SIDT1: variants seen among roughly 807,000 people sequenced by gnomAD.
SIDT1 encodes SID1 transmembrane family member 1, also known as SID1 transmembrane family, member 1.
Under a neutral mutation model 107.5 loss-of-function variants are expected in SIDT1, and 101 were observed. The observed-to-expected ratio is 0.94, with a 90% CI of 0.80 to 1.11. SIDT1 has a LOEUF of 1.11. SIDT1 is among the 50% of genes least tolerant of loss of function. SIDT1 has a pLI of 0.00. For missense variants in SIDT1, 1,076 were observed against 1,058.2 expected, an observed-to-expected ratio of 1.02 and a Z score of -0.23; for synonymous variants, 395 against 398.2, an observed-to-expected ratio of 0.99 and a Z score of 0.10.
At chr3:113,631,509 T>G (rs1389682162), downstream of SIDT1, among the ~76,000 whole-genome samples, 1 of 152,176 alleles carries the variant, frequency 6.6e-6, no homozygotes, top group Non-Finnish European at 1.5e-5. Context: ...AGTAGTTTTG[T>G]TTTTTGTTTT....
intron 6 of SIDT1, among the ~76,000 whole-genome samples, chr3:113,583,093 A>G: frequency 6.6e-6 from 1 of 152,264 alleles, no homozygotes; most frequent in Non-Finnish European, 1.5e-5. Flanking sequence ...TGTAAGCATT[A>G]GTTATTAAAC....
intron 21 of SIDT1, 129 bp from the exon 22 acceptor site, chr3:113,623,298 A>G (rs956836893): frequency 3.8e-6 from 2 of 527,388 alleles, no homozygotes; most frequent in African/African-American, 2.0e-5. Context: ...AAATAAAATG[A>G]ACTAAAAATA....
In SIDT1 at chr3:113,585,238, A is replaced by C. The variant is rs1365866021; in HGVS notation, c.969A>C (p.Gly323=). The change falls in exon 9 of 25, where the codon GGA becomes GGC. Residue 323 remains glycine, a synonymous_variant. Coordinates refer to ENST00000264852, the MANE Select transcript of SIDT1 (RefSeq NM_017699.3). The part of the protein sequence containing the change: ...SVFIFLSFYL[G]CLLVGFVHYL... Reference sequence around the variant, plus strand: ...TCATCTTCCTGTCCTTCTACTTGGGATGCCTTCTTGTTGGGTTTGTTCATT... The same window carrying C: ...TCATCTTCCTGTCCTTCTACTTGGGCTGCCTTCTTGTTGGGTTTGTTCATT... 2 of 1,613,268 alleles carry C rather than the reference A, an allele frequency of 1.2e-6. No homozygotes were observed. Among genetic ancestry groups the C allele is most frequent in the South Asian group, 2.2e-5 (2 of 91,050 alleles).
intron 6 of SIDT1, among the ~76,000 whole-genome samples, 198 bp from the exon 7 acceptor site, chr3:113,583,211 T>G (rs1027745319): frequency 4.6e-5 from 7 of 152,212 alleles, no homozygotes; most frequent in Non-Finnish European, 1.0e-4. Flanking sequence ...CCTTAATTTC[T>G]TGGATGTAAC....
At chr3:113,617,045 G>T (rs954991072) in intron 20 of SIDT1, among the ~76,000 whole-genome samples, 1 of 152,130 alleles carries the variant, frequency 6.6e-6, no homozygotes, top group African/African-American at 2.4e-5. Context: ...TCATAGCTAT[G>T]GGGAGGATCA....
Position 113,628,624 on chromosome 3 carries a change from G to A in SIDT1, c.*916G>A, listed in dbSNP as rs1411336556. On this transcript the variant is annotated 3_prime_UTR_variant, in exon 25 of 25. Coordinates refer to ENST00000264852, the MANE Select transcript of SIDT1 (RefSeq NM_017699.3). ...CACCTTAAGGACTTGGGCTGCCAGAGCAAATTCAGCAGAGCTTATTTGGCC... is the reference window on the plus strand; with the variant it reads ...CACCTTAAGGACTTGGGCTGCCAGAACAAATTCAGCAGAGCTTATTTGGCC... 2 of 152,428 alleles carry A rather than the reference G, an allele frequency of 1.3e-5. No homozygotes were observed. Among genetic ancestry groups the A allele is most frequent in the Non-Finnish European group, 2.9e-5 (2 of 68,186 alleles). The allele number at this position is 152,428 out of a possible 1,614,324, so 9.4% of individuals were successfully genotyped here.
In SIDT1 at chr3:113,603,978, G is replaced by T; in HGVS notation, c.1282G>T (p.Asp428Tyr). 2 of 1,612,148 alleles carry T rather than the reference G, an allele frequency of 1.2e-6. No homozygotes were observed. The highest frequency in any genetic ancestry group is 2.2e-5 in the East Asian group (1 of 44,822). The part of the protein sequence containing the change: ...IRTKMFLYLS[D>Y]LSRKDRRIVS... ...ATTCCAGATGTTCCTTTACCTGTCAGATTTGTCCAGGAAGGACCGGAGAAT... is the reference window on the plus strand; with the variant it reads ...ATTCCAGATGTTCCTTTACCTGTCATATTTGTCCAGGAAGGACCGGAGAAT... Residue 428 changes from aspartate (D) to tyrosine (Y), a missense_variant, in exon 13 of 25, where the codon GAT (aspartate) becomes TAT (tyrosine). Physicochemically the swap from Asp to Tyr is radical, Grantham distance 160. Transcript: ENST00000264852.
chr3:113,595,770 C>G (rs77961126), intron 10 of SIDT1, among the ~76,000 whole-genome samples: 1 of 152,044 alleles, frequency 6.6e-6, no homozygotes, highest in South Asian at 2.1e-4. Context: ...AAATAAGGAA[C>G]CTTTGTAAGG....
At chr3:113,608,685 A>T in intron 17 of SIDT1, 149 bp downstream of exon 17, 2 of 654,640 alleles carry the variant, frequency 3.1e-6, no homozygotes, top group Admixed American at 4.7e-5. Context: ...ACAGAGCATG[A>T]CCTAATTGAG....
At position 113,606,859 on chromosome 3, in the gene SIDT1, T is replaced by TA. The variant is rs200514810; in HGVS notation, c.1405-175dup. On this transcript the variant is annotated intron_variant, in intron 14 of 24. Transcript: ENST00000264852. ...TCAAAGCAAGATGGTAACTTTTTTG[T>TA]AAAAAAAGTGCCTGTGCTGTGTAAG... is the stretch of plus-strand genomic sequence containing the variant. 3.6e-3 allele frequency: 1,756 copies of TA among 490,792 alleles called. 20 individuals carry two copies. Among genetic ancestry groups the TA allele is most frequent in the Admixed American group, 0.021 (634 of 29,532 alleles). 30.4% of individuals were successfully genotyped at this position (490,792 alleles called of 1,614,324 possible). A position where few individuals can be genotyped will look rare whatever the true frequency, so the allele number is the denominator to read the frequency against.
At chr3:113,605,625 A>G (rs1029531893) in intron 14 of SIDT1, among the ~76,000 whole-genome samples, 4 of 152,238 alleles carry the variant, frequency 2.6e-5, no homozygotes, top group African/African-American at 4.8e-5. Flanking sequence ...TAGAGTAAAT[A>G]AAGTTCCAGA....
chr3:113,621,062 T>C (rs1462855012), intron 21 of SIDT1, among the ~76,000 whole-genome samples: 2 of 152,192 alleles, frequency 1.3e-5, no homozygotes, highest in Admixed American at 1.3e-4. Flanking sequence ...CATAAAGACA[T>C]GGAATGATTT....
At chr3:113,571,482 C>T (rs1277528151) in intron 3 of SIDT1, among the ~76,000 whole-genome samples, 2 of 42,560 alleles carry the variant, frequency 4.7e-5, no homozygotes, top group African/African-American at 1.5e-4. Flanking sequence ...TCTACCTATC[C>T]TCTGCACACA....
At chr3:113,554,042 A>G (rs1479550472) in intron 1 of SIDT1, among the ~76,000 whole-genome samples, 1 of 152,152 alleles carries the variant, frequency 6.6e-6, no homozygotes, top group East Asian at 1.9e-4. Context: ...ACAAGAGTGA[A>G]ATTCCATCTC....
At chr3:113,568,548 C>T (rs1333394609) in intron 3 of SIDT1, among the ~76,000 whole-genome samples, 2 of 149,498 alleles carry the variant, frequency 1.3e-5, no homozygotes, top group South Asian at 2.1e-4. Context: ...GAGCCGAGAT[C>T]GCGCCACTGC....
intron 1 of SIDT1, among the ~76,000 whole-genome samples, chr3:113,549,394 G>A (rs1939958891): frequency 1.3e-5 from 2 of 152,182 alleles, no homozygotes; most frequent in Admixed American, 1.3e-4. Flanking sequence ...GAGAGTTCCT[G>A]TTGTTCCACA....
intron 4 of SIDT1, among the ~76,000 whole-genome samples, chr3:113,577,843 A>C (rs1454116107): frequency 6.6e-6 from 1 of 152,248 alleles, no homozygotes; most frequent in Non-Finnish European, 1.5e-5. Context: ...ACTGGTTCTC[A>C]GAGAGAAAGC....
In SIDT1 at chr3:113,579,545, T is replaced by C. The variant is rs1943171327; in HGVS notation, c.562-1063T>C. Among the ~76,000 whole-genome samples, 3 of 152,166 alleles carry C rather than the reference T, an allele frequency of 2.0e-5. No individual in the cohort carries two copies. The South Asian group carries it at 6.2e-4, about 32-fold the overall frequency. On this transcript the variant is annotated intron_variant, in intron 4 of 24. Coordinates refer to ENST00000264852, the MANE Select transcript of SIDT1 (RefSeq NM_017699.3). ...ATTGCCATCTGTTATAAGATGTGAA[T>C]AGACTTCCAACTGTATCATTAATGA...
At chr3:113,591,411 C>T (rs898088155) in intron 9 of SIDT1, among the ~76,000 whole-genome samples, 2 of 151,764 alleles carry the variant, frequency 1.3e-5, no homozygotes, top group African/African-American at 4.8e-5. Context: ...TCCCAGCTGG[C>T]TTTTTTACAG....
Sources: allele counts gnomAD v4.1 joint callset (sites outside exome capture counted in the v4.1 genomes callset), GRCh38; gene constraint gnomAD v4.1.1; transcripts MANE v1.5; gene names NCBI Gene and HGNC (gene_info 2026-07-23, HGNC 2026-07-21).